TRPM2: variants seen among roughly 807,000 people sequenced by gnomAD.
TRPM2 encodes transient receptor potential cation channel subfamily M member 2, also known as estrogen-responsive element-associated gene 1 protein.
A neutral mutation model predicts 174.0 loss-of-function variants in TRPM2; 161 were observed. The observed-to-expected ratio is 0.93, with a 90% CI of 0.81 to 1.05. The LOEUF (loss-of-function observed/expected upper bound fraction) is 1.05. TRPM2 is among the 50% of genes least tolerant of loss of function. The pLI is 0.00. For missense variants in TRPM2, 2,057 were observed against 2,038.0 expected (o/e 1.01, Z -0.18); for synonymous variants, 954 against 861.3 (o/e 1.11, Z -1.88).
At chr21:44,378,849 C>T (rs1021403017) in intron 7 of TRPM2, 148 bp from the exon 8 acceptor site, 57 of 827,886 alleles carry the variant, frequency 6.9e-5, no homozygotes, top group South Asian at 4.1e-4. Context: ...GAGCAGGGGA[C>T]GCCACGAAAC....
Position 44,366,788 on chromosome 21 carries a change from T to C in TRPM2, c.458T>C (p.Val153Ala). ...VRVSQDTPSS[V>A]IYHLMTQHWG... ...GTCTCCCAGGACACGCCCTCCAGCG[T>C]GATCTACCACCTCATGACCCAGCAC... The change falls in exon 4 of 32, where the codon GTG becomes GCG. Residue 153 changes from valine (V) to alanine (A), a missense_variant. By Grantham distance (64) the Val-to-Ala change is moderately conservative (BLOSUM62 0). Transcript: ENST00000397928. The surrounding 1 kb of genome is among the most constrained non-coding windows in gnomAD (Gnocchi z 6.0). The C allele has an allele frequency of 6.2e-7, 1 of 1,613,722 alleles. No individual in the cohort carries two copies. The highest frequency in any genetic ancestry group is 8.5e-7 in the Non-Finnish European group (1 of 1,179,928).
chr21:44,360,898 A>T (rs906548278), intron 2 of TRPM2, among the ~76,000 whole-genome samples: 1 of 151,278 alleles, frequency 6.6e-6, no homozygotes, highest in African/African-American at 2.4e-5. Flanking sequence ...TATTTGTGTA[A>T]CTACCACCGT....
rs1257165071 is a variant in TRPM2 at position 44,425,793 on chromosome 21, G to A, written c.3761G>A (p.Arg1254His). ...CTCTACCCCAACTGCCCTGTCACGC[G>A]CTTCCCCGTGCCCAACGAGAAGGTG... ...HLLYPNCPVT[R>H]FPVPNEKVPW... The change falls in exon 25 of 32, where the codon CGC becomes CAC. Residue 1254 changes from arginine to histidine, a missense_variant. Physicochemically the swap from Arg to His is conservative, Grantham distance 29 (BLOSUM62 0). Coordinates refer to ENST00000397928, the MANE Select transcript of TRPM2 (RefSeq NM_003307.4). 5 of 1,582,304 alleles carry A rather than the reference G, an allele frequency of 3.2e-6. No homozygotes were observed. The highest frequency in any genetic ancestry group is 2.3e-5 in the East Asian group (1 of 43,764).
intron 11 of TRPM2, among the ~76,000 whole-genome samples, chr21:44,394,476 C>T (rs908491308): frequency 1.3e-4 from 20 of 151,880 alleles, no homozygotes; most frequent in Non-Finnish European, 2.1e-4. Flanking sequence ...TCCGCCACCA[C>T]GCCTGGCTAA....
chr21:44,354,800 T>C lies in TRPM2; in HGVS notation c.254+64T>C. 1 of 1,498,536 alleles carries C rather than the reference T, an allele frequency of 6.7e-7. No individual in the cohort carries two copies. Among genetic ancestry groups the C allele is most frequent in the Non-Finnish European group, 9.3e-7 (1 of 1,074,950 alleles). The allele number at this position is 1,498,536 out of a possible 1,614,324, so 92.8% of individuals were successfully genotyped here. A position where few individuals can be genotyped will look rare whatever the true frequency, so the allele number is the denominator to read the frequency against. ...TCCTTCCGATCCCACATGGAGTAGC[T>C]GATCAGGCCAAGACCCCTCAGGGCC... On this transcript the variant is annotated intron_variant, in intron 2 of 31. Coordinates refer to ENST00000397928, the MANE Select transcript of TRPM2 (RefSeq NM_003307.4). The surrounding 1 kb of genome is among the most constrained non-coding windows in gnomAD (Gnocchi z 4.3).
chr21:44,380,218 G>A (rs1398509584), intron 8 of TRPM2, among the ~76,000 whole-genome samples: 1 of 152,220 alleles, frequency 6.6e-6, no homozygotes. Flanking sequence ...TGTGCTTTGC[G>A]ATGGTCTCAG....
Position 44,376,034 on chromosome 21 carries a change from G to A in TRPM2, c.952+21G>A, listed in dbSNP as rs1420421782. 2 of 1,607,928 alleles carry A rather than the reference G, an allele frequency of 1.2e-6. No homozygotes were observed. Among genetic ancestry groups the A allele is most frequent in the South Asian group, 2.2e-5 (2 of 90,652 alleles). The stretch of plus-strand genomic sequence containing the variant: ...AGGAGGTAGGGGAGCTTGCTTTCGA[G>A]GGTGATTGGGCAGAGAGCACAGTGG... On this transcript the variant is annotated intron_variant, in intron 6 of 31. Transcript: ENST00000397928. This position sits in a 1 kb window ranked among gnomAD's most constrained non-coding sequence, Gnocchi z 4.2.
chr21:44,406,515 A>G lies in TRPM2; in HGVS notation c.2791-79A>G. The G allele has an allele frequency of 2.0e-6, 3 of 1,489,572 alleles. No individual in the cohort carries two copies. In the East Asian group the frequency reaches 7.0e-5, roughly 35 times the overall value. The allele number at this position is 1,489,572 out of a possible 1,614,324, so 92.3% of individuals were successfully genotyped here. ...TGCTGTGAGTGGCAGTGCTGTCTCC[A>G]CCGCTGCTGGGCCTGCCTCTGGGCC... On this transcript the variant is annotated intron_variant, in intron 18 of 31. Coordinates refer to ENST00000397928, the MANE Select transcript of TRPM2 (RefSeq NM_003307.4).
chr21:44,353,382 C>G (rs9975366), upstream of TRPM2: 52,477 of 224,836 alleles, frequency 0.23, 7,565 homozygotes, highest in African/African-American at 0.45. Context: ...GCCCTGCAGT[C>G]ACCTGAGGTT....
chr21:44,411,657 T>G (rs1466084106), intron 19 of TRPM2, among the ~76,000 whole-genome samples: 1 of 152,188 alleles, frequency 6.6e-6, no homozygotes, highest in African/African-American at 2.4e-5. Context: ...CTTGCTTTGC[T>G]CCTGATCTTA....
Position 44,365,762 on chromosome 21 carries a change from C to T in TRPM2, c.424-992C>T, listed in dbSNP as rs139607828. Among the ~76,000 whole-genome samples the T allele has an allele frequency of 1.4e-4, 21 of 152,286 alleles. No individual in the cohort carries two copies. The East Asian group carries it at 2.1e-3, about 15-fold the overall frequency. ...ATGCCTGTGGCCTGACAGTGAGGGA[C>T]GCCAGGGACACAGACCCTGTACTGC... On this transcript the variant is annotated intron_variant, in intron 3 of 31. Transcript: ENST00000397928.
In TRPM2 at chr21:44,375,853, C is replaced by T; in HGVS notation, c.792C>T (p.Tyr264=). ...CCCAGGGCAGCTTCCCCGCCGAGTA[C>T]ATACTGGATGAGGATGGCCAAGGGA... ...IHPTGSFPAE[Y]ILDEDGQGNL... is the part of the protein sequence containing the mutation. Residue 264 remains tyrosine, a synonymous_variant, in exon 6 of 32, where the codon TAC becomes TAT. Transcript: ENST00000397928. 2 of 1,613,868 alleles carry T rather than the reference C, an allele frequency of 1.2e-6. No homozygotes were observed. Among genetic ancestry groups the T allele is most frequent in the Non-Finnish European group, 1.7e-6 (2 of 1,179,876 alleles).
In TRPM2 at chr21:44,406,583, C is replaced by T. The variant is rs1209536326; in HGVS notation, c.2791-11C>T. On this transcript the variant is annotated splice_polypyrimidine_tract_variant and intron_variant, in intron 18 of 31. Transcript: ENST00000397928. ...CAGGAGAGTGTAGCCCACACACTCT[C>T]TGTCCTGCAGATGAAGGACGTCTTC... 6.2e-7 allele frequency: 1 copy of T among 1,605,684 alleles called. No individual in the cohort carries two copies. The highest frequency in any genetic ancestry group is 8.5e-7 in the Non-Finnish European group (1 of 1,178,684).
chr21:44,388,235 G>A (rs1251761201), intron 9 of TRPM2, among the ~76,000 whole-genome samples: 1 of 152,160 alleles, frequency 6.6e-6, no homozygotes. Flanking sequence ...AAAAAGGAAG[G>A]AAATTCTGAC....
chr21:44,441,049 A>G, intron 31 of TRPM2, 144 bp downstream of exon 31: 4 of 715,302 alleles, frequency 5.6e-6, no homozygotes, highest in Non-Finnish European at 7.3e-6. Context: ...GGGAGAGGGA[A>G]GGCGGGGACC....
intron 5 of TRPM2, among the ~76,000 whole-genome samples, chr21:44,375,538 T>C (rs559174811): frequency 3.9e-5 from 6 of 152,306 alleles, no homozygotes; most frequent in East Asian, 1.9e-4. Context: ...CTTTCTCCAC[T>C]TGTGGCTATG....
Position 44,399,394 on chromosome 21 carries a change from G to A in TRPM2, c.2161G>A (p.Ala721Thr), listed in dbSNP as rs140311913. The change falls in exon 14 of 32, where the codon GCC becomes ACC. Residue 721 changes from alanine (A) to threonine (T), a missense_variant. By Grantham distance (58) the Ala-to-Thr change is moderately conservative. Transcript: ENST00000397928. The surrounding 1 kb of genome is among the most constrained non-coding windows in gnomAD (Gnocchi z 4.6). The stretch of plus-strand genomic sequence containing the variant: ...GGGGAAGACCACCTGCCTGCAGCTC[G>A]CCCTGGAGGCCAAGGACATGAAGTT... ...AWGKTTCLQL[A>T]LEAKDMKFVS... 46 of 1,612,746 alleles carry A rather than the reference G, an allele frequency of 2.9e-5. No homozygotes were observed. The African/African-American group carries it at 5.6e-4, about 20-fold the overall frequency.
chr21:44,376,041 T>C lies in TRPM2; in HGVS notation c.952+28T>C. ...AGGGGAGCTTGCTTTCGAGGGTGAT[T>C]GGGCAGAGAGCACAGTGGGCTGGTC... is the stretch of plus-strand genomic sequence containing the variant. On this transcript the variant is annotated intron_variant, in intron 6 of 31. Transcript: ENST00000397928. This position sits in a 1 kb window ranked among gnomAD's most constrained non-coding sequence, Gnocchi z 4.2. 6.2e-7 allele frequency: 1 copy of C among 1,605,882 alleles called. No homozygotes were observed. Among genetic ancestry groups the C allele is most frequent in the Non-Finnish European group, 8.5e-7 (1 of 1,174,312 alleles).
At chr21:44,389,276 G>T (rs2049103617) in intron 9 of TRPM2, among the ~76,000 whole-genome samples, 1 of 152,154 alleles carries the variant, frequency 6.6e-6, no homozygotes, top group African/African-American at 2.4e-5. Flanking sequence ...TTTTTTGTCT[G>T]TGAAGGAGTG....
Sources: gnomAD v4.1 joint callset for allele counts (sites outside exome capture counted in the v4.1 genomes callset) on GRCh38, gnomAD v4.1.1 for gene constraint, Gnocchi (gnomAD v3.1) non-coding constraint, MANE v1.5 for transcripts, NCBI Gene and HGNC (gene_info 2026-07-23, HGNC 2026-07-21) for gene names.